The following SRGAP3 variants were observed in gnomAD, a reference collection of about 807,000 sequenced individuals.
SRGAP3 encodes SLIT-ROBO Rho GTPase-activating protein 3.
In SRGAP3, 39 loss-of-function variants were observed where a neutral mutation model predicts 121.1. The observed-to-expected ratio is 0.32, with a 90% CI of 0.25 to 0.42. The LOEUF (loss-of-function observed/expected upper bound fraction) is 0.42, where lower values mean the gene tolerates loss of function less well. Ranked by LOEUF, SRGAP3 falls within the 10% of genes least tolerant of loss-of-function variation. SRGAP3 has a pLI of 1.00. For synonymous variants in SRGAP3, 601 were observed against 570.0 expected (o/e 1.05, Z -0.77); for missense variants, 1,213 against 1,470.6 (o/e 0.82, Z 2.86).
intron 3 of SRGAP3, among the ~76,000 whole-genome samples, chr3:9,321,561 A>G (rs1432044609): frequency 6.6e-6 from 1 of 151,922 alleles, no homozygotes; most frequent in African/African-American, 2.4e-5. Context: ...GTGGGAAGTG[A>G]CAGCAGTCGG....
intron 3 of SRGAP3, among the ~76,000 whole-genome samples, chr3:9,095,789 G>A (rs1575067133): frequency 6.6e-6 from 1 of 152,062 alleles, no homozygotes; most frequent in South Asian, 2.1e-4. Flanking sequence ...ATAACCTTGC[G>A]AGGTACAGTG....
intron 3 of SRGAP3, among the ~76,000 whole-genome samples, chr3:9,297,225 A>G (rs1418494022): frequency 6.6e-6 from 1 of 152,172 alleles, no homozygotes; most frequent in Non-Finnish European, 1.5e-5. Context: ...CCTGTTCCTC[A>G]GGTTAGAAAG....
intron 14 of SRGAP3, among the ~76,000 whole-genome samples, chr3:9,019,011 C>T (rs1263756665): frequency 6.6e-6 from 1 of 152,158 alleles, no homozygotes. Context: ...CTGGAAATCC[C>T]TCCACATTAG....
intron 1 of SRGAP3, among the ~76,000 whole-genome samples, chr3:9,192,021 T>C (rs1266941263): frequency 2.6e-5 from 4 of 152,220 alleles, no homozygotes; most frequent in Middle Eastern, 3.2e-3. Context: ...TGCAGAACCA[T>C]GAGCGAATTA....
intron 3 of SRGAP3, among the ~76,000 whole-genome samples, chr3:9,089,282 G>A (rs1021015436): frequency 1.7e-5 from 2 of 116,118 alleles, no homozygotes; most frequent in Non-Finnish European, 3.6e-5. Context: ...TGACAGATAA[G>A]TGGGGTGGGC....
intron 4 of SRGAP3, among the ~76,000 whole-genome samples, chr3:9,067,153 T>C (rs1165953753): frequency 6.6e-6 from 1 of 152,154 alleles, no homozygotes; most frequent in South Asian, 2.1e-4. Flanking sequence ...ACCACCACCA[T>C]CATCATCATT....
intron 3 of SRGAP3, among the ~76,000 whole-genome samples, chr3:9,097,549 T>A (rs1390348552): frequency 6.6e-6 from 1 of 152,172 alleles, no homozygotes; most frequent in Non-Finnish European, 1.5e-5. Context: ...GGACCCAGAC[T>A]TTCCTCCCAC....
At chr3:9,204,933 G>A (rs1952211429) in intron 1 of SRGAP3, among the ~76,000 whole-genome samples, 1 of 152,250 alleles carries the variant, frequency 6.6e-6, no homozygotes, top group African/African-American at 2.4e-5. Flanking sequence ...TGGCAGCAAT[G>A]CCCAGGCCTA....
chr3:9,065,953 T>C (rs1560057231), intron 4 of SRGAP3, among the ~76,000 whole-genome samples: 1 of 152,154 alleles, frequency 6.6e-6, no homozygotes, highest in East Asian at 1.9e-4. Flanking sequence ...CAGATCATCC[T>C]AGATTGTCTG....
At chr3:9,005,508 A>G (rs373100029) in intron 18 of SRGAP3, among the ~76,000 whole-genome samples, 2 of 152,230 alleles carry the variant, frequency 1.3e-5, no homozygotes, top group Non-Finnish European at 2.9e-5. Context: ...TCATAGCTGA[A>G]AAGTAGAAAC....
In SRGAP3 at chr3:9,049,445, T is replaced by G; in HGVS notation, c.1324-1970A>C. The G allele has an allele frequency of 1.3e-5, 6 of 455,990 alleles. 1 individual carries two copies. Among genetic ancestry groups the G allele is most frequent in the South Asian group, 9.3e-5 (6 of 64,560 alleles). 28.2% of individuals were successfully genotyped at this position (455,990 alleles called of 1,614,324 possible). A position where few individuals can be genotyped will look rare whatever the true frequency, so the allele number is the denominator to read the frequency against. ...CCTCATCAGAGTCTTGGATGGCAAA[T>G]GGGGAAAACATCATCAGGCCCCTTC... On this transcript the variant is annotated intron_variant, in intron 9 of 21. Transcript: ENST00000383836.
intron 12 of SRGAP3, among the ~76,000 whole-genome samples, chr3:9,030,527 C>T (rs1366928158): frequency 1.3e-5 from 2 of 152,202 alleles, no homozygotes; most frequent in African/African-American, 4.8e-5. Context: ...AAAGCAGCTG[C>T]AGCAATGCCA....
chr3:9,298,647 T>C (rs1954995162), intron 3 of SRGAP3, among the ~76,000 whole-genome samples: 1 of 152,166 alleles, frequency 6.6e-6, no homozygotes, highest in African/African-American at 2.4e-5. Context: ...GTTTAGGCAT[T>C]AAGAAGGCCT....
intron 3 of SRGAP3, among the ~76,000 whole-genome samples, chr3:9,085,311 G>A (rs1947415815): frequency 6.6e-6 from 1 of 152,226 alleles, no homozygotes; most frequent in African/African-American, 2.4e-5. Context: ...AACTCAGACA[G>A]CTCTGAGGAG....
At chr3:9,320,105 A>G (rs1955415516) in intron 3 of SRGAP3, among the ~76,000 whole-genome samples, 1 of 151,852 alleles carries the variant, frequency 6.6e-6, no homozygotes. Flanking sequence ...ATCAGTGCCA[A>G]TCTTGGTGCT....
intron 3 of SRGAP3, among the ~76,000 whole-genome samples, chr3:9,098,774 TTTG>T (rs1185871760): frequency 8.5e-5 from 13 of 152,338 alleles, no homozygotes; most frequent in African/African-American, 3.1e-4. Flanking sequence ...TTGCTCACTG[TTTG>T]TTATCTATAA....
rs1282745236 is a variant in SRGAP3, at chr3:8,981,035, G to A, written c.*4484C>T. On this transcript the variant is annotated 3_prime_UTR_variant, in exon 22 of 22. Coordinates refer to ENST00000383836, the MANE Select transcript of SRGAP3 (RefSeq NM_014850.4). ...TTATTGGCCGGGGACAACTCACACA[G>A]AAAGGAGGTGTCAACAAGGGGCAGC... The A allele has an allele frequency of 8.6e-6, 2 of 233,068 alleles. No homozygotes were observed. The highest frequency in any genetic ancestry group is 1.7e-5 in the Non-Finnish European group (2 of 117,852). 14.4% of individuals were successfully genotyped at this position (233,068 alleles called of 1,614,324 possible). A position where few individuals can be genotyped will look rare whatever the true frequency, so the allele number is the denominator to read the frequency against.
Position 8,985,978 on chromosome 3 carries a change from G to A in SRGAP3, c.2887-46C>T, listed in dbSNP as rs372089788. The A allele has an allele frequency of 2.2e-5, 35 of 1,599,240 alleles. No individual in the cohort carries two copies. Among genetic ancestry groups the A allele is most frequent in the African/African-American group, 5.3e-5 (4 of 74,920 alleles). The stretch of plus-strand genomic sequence containing the variant: ...GGTCAGCACAGTCTGGAGACCTGGA[G>A]TCAGGTCCTTCCTGTCTGCTAAGCA... On this transcript the variant is annotated intron_variant, in intron 21 of 21. Coordinates refer to ENST00000383836, the MANE Select transcript of SRGAP3 (RefSeq NM_014850.4). This position sits in a 1 kb window ranked among gnomAD's most constrained non-coding sequence, Gnocchi z 5.1.
intron 18 of SRGAP3, 58 bp from the exon 19 acceptor site, chr3:8,994,581 G>T: frequency 6.3e-7 from 1 of 1,596,294 alleles, no homozygotes; most frequent in Non-Finnish European, 8.5e-7. Context: ...CAGCTCAGGA[G>T]CCTCACTCAG....
Sources: gnomAD v4.1 joint callset for allele counts (sites outside exome capture counted in the v4.1 genomes callset) on GRCh38, gnomAD v4.1.1 for gene constraint, Gnocchi (gnomAD v3.1) non-coding constraint, MANE v1.5 for transcripts, NCBI Gene and HGNC (gene_info 2026-07-23, HGNC 2026-07-21) for gene names.